The following ERICH1 variants were observed in gnomAD, a reference collection of about 807,000 sequenced individuals.
The protein encoded by ERICH1 is glutamate rich 1.
A neutral mutation model predicts 39.6 loss-of-function variants in ERICH1; 56 were observed. The observed-to-expected ratio is 1.41, with a 90% CI of 1.14 to 1.77. The LOEUF (loss-of-function observed/expected upper bound fraction) is 1.77, where lower values mean the gene tolerates loss of function less well. Among genes scored for constraint, ERICH1 ranks in the 40% most tolerant of loss-of-function variants. The pLI is 0.00. For synonymous variants in ERICH1, 313 were observed against 223.6 expected, an observed-to-expected ratio of 1.40 and a Z score of -3.57; for missense variants, 826 against 575.4, an observed-to-expected ratio of 1.44 and a Z score of -4.45.
intron 2 of ERICH1, among the ~76,000 whole-genome samples, chr8:701,789 C>T (rs1378797538): frequency 1.3e-5 from 2 of 152,058 alleles, no homozygotes; most frequent in East Asian, 1.9e-4. Flanking sequence ...AAGACACTGA[C>T]GTTTTTAAAA....
chr8:664,706 T>G (rs751785425), intron 5 of ERICH1, 30 bp from the exon 6 acceptor site: 1 of 1,553,456 alleles, frequency 6.4e-7, no homozygotes, highest in Non-Finnish European at 8.8e-7. Context: ...AAACAAAAAA[T>G]AAAACAAAGA....
intron 4 of ERICH1, among the ~76,000 whole-genome samples, chr8:672,597 T>G (rs1269297088): frequency 6.6e-6 from 1 of 151,892 alleles, no homozygotes; most frequent in Non-Finnish European, 1.5e-5. Flanking sequence ...TAAACAGTAT[T>G]AAAAAAAATT....
At chr8:709,351 G>C (rs910513682) in intron 2 of ERICH1, among the ~76,000 whole-genome samples, 1 of 152,174 alleles carries the variant, frequency 6.6e-6, no homozygotes, top group African/African-American at 2.4e-5. Context: ...ACCGAAGCAG[G>C]GGCAGCATCT....
At chr8:701,295 G>T (rs1585472941) in intron 2 of ERICH1, among the ~76,000 whole-genome samples, 1 of 152,186 alleles carries the variant, frequency 6.6e-6, no homozygotes, top group East Asian at 1.9e-4. Flanking sequence ...CCGCCGGACG[G>T]GAGCACGCCA....
chr8:716,357 GA>G, intron 1 of ERICH1, among the ~76,000 whole-genome samples: 1 of 152,390 alleles, frequency 6.6e-6, no homozygotes. Flanking sequence ...TGCAGGCCAT[GA>G]CCCCTGTCAG....
chr8:624,946 T>C (rs1475838339), intron 3 of ERICH1, among the ~76,000 whole-genome samples: 1 of 152,122 alleles, frequency 6.6e-6, no homozygotes, highest in East Asian at 1.9e-4. Context: ...CAGGATGGTC[T>C]TGATCTCCTG....
chr8:617,395 A>G (rs1447291600), intron 3 of ERICH1, among the ~76,000 whole-genome samples: 1 of 151,848 alleles, frequency 6.6e-6, no homozygotes, highest in Admixed American at 6.5e-5. Flanking sequence ...AGCACTGATC[A>G]CTCCCTGTCA....
At chr8:731,078 C>A in intron 1 of ERICH1, 62 bp downstream of exon 1, 1 of 1,395,878 alleles carries the variant, frequency 7.2e-7, no homozygotes, top group Middle Eastern at 2.3e-4. Context: ...GAGTCAACAC[C>A]GCGGTCTGAG....
At chr8:656,611 C>G (rs1358798705) in intron 3 of ERICH1, 2 of 338,484 alleles carry the variant, frequency 5.9e-6, no homozygotes, top group Non-Finnish European at 8.4e-6. Flanking sequence ...CTGAAATCAG[C>G]CAGGGCTTGC....
At chr8:723,207 C>T (rs1419832526) in intron 1 of ERICH1, among the ~76,000 whole-genome samples, 4 of 152,226 alleles carry the variant, frequency 2.6e-5, no homozygotes, top group East Asian at 1.9e-4. Flanking sequence ...AGCTTCCCGA[C>T]GGGGCCTCAC....
At chr8:699,818 C>T (rs1811360760) in intron 2 of ERICH1, among the ~76,000 whole-genome samples, 1 of 71,774 alleles carries the variant, frequency 1.4e-5, no homozygotes, top group African/African-American at 4.0e-5. Flanking sequence ...CAGATCCGCA[C>T]AAGCGCACAG....
chr8:696,628 CCT>C (rs1168783811), intron 2 of ERICH1, among the ~76,000 whole-genome samples: 1 of 44,864 alleles, frequency 2.2e-5, no homozygotes, highest in African/African-American at 1.4e-4. Flanking sequence ...TGCGCTCGCT[CCT>C]CTCACCCTCC....
intron 3 of ERICH1, among the ~76,000 whole-genome samples, chr8:677,167 C>G (rs1805037046): frequency 6.6e-6 from 1 of 152,224 alleles, no homozygotes; most frequent in Non-Finnish European, 1.5e-5. Context: ...TGACGCAGTC[C>G]CACCCCATGA....
intron 3 of ERICH1, among the ~76,000 whole-genome samples, chr8:619,299 AG>A: frequency 6.6e-6 from 1 of 152,158 alleles, no homozygotes; most frequent in Non-Finnish European, 1.5e-5. Context: ...ACCGCGCACG[AG>A]GGGGGCCCGG....
At chr8:708,023 A>G (rs183444099) in intron 2 of ERICH1, among the ~76,000 whole-genome samples, 35 of 152,356 alleles carry the variant, frequency 2.3e-4, no homozygotes, top group African/African-American at 7.0e-4. Context: ...ACAAATGGAC[A>G]ACACGCAGGG....
chr8:637,168 T>A (rs1046359388), intron 3 of ERICH1, among the ~76,000 whole-genome samples: 1 of 152,220 alleles, frequency 6.6e-6, no homozygotes, highest in Non-Finnish European at 1.5e-5. Context: ...GGGGCTGTAG[T>A]TGTGTCAGCC....
chr8:661,940 G>A (rs1256639529), downstream of ERICH1, among the ~76,000 whole-genome samples: 2 of 150,192 alleles, frequency 1.3e-5, no homozygotes, highest in Non-Finnish European at 3.0e-5. Context: ...CGCAGTGGCA[G>A]GGATTCTGTG....
intron 2 of ERICH1, among the ~76,000 whole-genome samples, chr8:707,111 T>G (rs1813450215): frequency 6.6e-6 from 1 of 151,788 alleles, no homozygotes; most frequent in Admixed American, 6.6e-5. Flanking sequence ...AACAAGATGG[T>G]GGATGGTACA....
At chr8:657,018 G>C (rs1344503426) in intron 3 of ERICH1, among the ~76,000 whole-genome samples, 1 of 152,264 alleles carries the variant, frequency 6.6e-6, no homozygotes, top group Admixed American at 6.5e-5. Context: ...GATTGGGGAA[G>C]AGGGGAGTAA....
Sources: allele counts gnomAD v4.1 joint callset (sites outside exome capture counted in the v4.1 genomes callset), GRCh38; gene constraint gnomAD v4.1.1; transcripts MANE v1.5; gene names NCBI Gene and HGNC (gene_info 2026-07-23, HGNC 2026-07-21).